CACNB4: variants seen among roughly 807,000 people sequenced by gnomAD.
The protein encoded by CACNB4 is calcium voltage-gated channel auxiliary subunit beta 4, also known as voltage-dependent L-type calcium channel subunit beta-4.
A neutral mutation model predicts 71.2 loss-of-function variants in CACNB4; 32 were observed. That is an observed-to-expected ratio of 0.45 (90% CI 0.34 to 0.60). The LOEUF (loss-of-function observed/expected upper bound fraction) is 0.60. Ranked by LOEUF, CACNB4 falls within the 20% of genes least tolerant of loss-of-function variation. CACNB4 has a pLI of 0.01. For missense variants in CACNB4, 464 were observed against 647.9 expected (o/e 0.72, Z 3.08); for synonymous variants, 231 against 236.9 (o/e 0.97, Z 0.23).
At chr2:151,984,864 T>A (rs184025266) in intron 2 of CACNB4, among the ~76,000 whole-genome samples, 3 of 152,220 alleles carry the variant, frequency 2.0e-5, no homozygotes, top group Non-Finnish European at 4.4e-5. Context: ...CCACTCATTA[T>A]ACTTTCCTCA....
rs1164859647 is a variant in CACNB4, at chr2:151,835,519, T to C, written c.*3600A>G. ...CATAGGGTAATTTCTACAATGGTAT[T>C]ACATTTTTTAAGCAAATACCAAAAT... On this transcript the variant is annotated 3_prime_UTR_variant, in exon 14 of 14. Transcript: ENST00000539935. 2 of 151,894 alleles carry C rather than the reference T, an allele frequency of 1.3e-5. No individual in the cohort carries two copies. Among genetic ancestry groups the C allele is most frequent in the Admixed American group, 6.6e-5 (1 of 15,246 alleles). 9.4% of individuals were successfully genotyped at this position (151,894 alleles called of 1,614,324 possible). A position where few individuals can be genotyped will look rare whatever the true frequency, so the allele number is the denominator to read the frequency against.
intron 2 of CACNB4, among the ~76,000 whole-genome samples, chr2:151,888,775 C>T (rs902779009): frequency 6.6e-6 from 1 of 152,074 alleles, no homozygotes; most frequent in Non-Finnish European, 1.5e-5. Context: ...GCCTCATCTG[C>T]AAAATGAGAA....
intron 2 of CACNB4, among the ~76,000 whole-genome samples, chr2:151,901,700 C>T (rs1578714229): frequency 6.6e-6 from 1 of 152,092 alleles, no homozygotes; most frequent in East Asian, 1.9e-4. Context: ...TTATTTATAA[C>T]CAAAGAACAT....
intron 2 of CACNB4, among the ~76,000 whole-genome samples, chr2:151,927,571 G>A (rs766748739): frequency 2.0e-4 from 31 of 152,198 alleles, no homozygotes; most frequent in Non-Finnish European, 3.4e-4. Flanking sequence ...GAACAAATTG[G>A]TTGTCTAGAA....
intron 2 of CACNB4, among the ~76,000 whole-genome samples, chr2:151,936,024 C>G (rs2099862833): frequency 6.6e-6 from 1 of 152,130 alleles, no homozygotes; most frequent in African/African-American, 2.4e-5. Flanking sequence ...CTTAAACCAG[C>G]CGTCAAAAAC....
chr2:151,908,398 T>C (rs1238148301), intron 2 of CACNB4, among the ~76,000 whole-genome samples: 3 of 152,212 alleles, frequency 2.0e-5, no homozygotes, highest in African/African-American at 7.2e-5. Flanking sequence ...GAGGATTTTA[T>C]TCCAGTTAGA....
intron 9 of CACNB4, chr2:151,865,790 T>TTTC (rs2099842947): frequency 6.6e-6 from 1 of 151,922 alleles, no homozygotes; most frequent in Non-Finnish European, 1.5e-5. Context: ...CTTTCTTTTT[T>TTTC]TTTTTTTTTA....
At chr2:152,009,672 T>C (rs1682949130) in intron 2 of CACNB4, among the ~76,000 whole-genome samples, 1 of 152,220 alleles carries the variant, frequency 6.6e-6, no homozygotes, top group Non-Finnish European at 1.5e-5. Context: ...GTAACCTTTG[T>C]GCCATTAATT....
At chr2:151,999,168 A>G (rs1682247384) in intron 2 of CACNB4, among the ~76,000 whole-genome samples, 1 of 151,852 alleles carries the variant, frequency 6.6e-6, no homozygotes. Flanking sequence ...CCTACTCATG[A>G]CCTCCACTAG....
At chr2:151,985,274 C>T (rs182376496) in intron 2 of CACNB4, among the ~76,000 whole-genome samples, 2 of 152,206 alleles carry the variant, frequency 1.3e-5, no homozygotes. Flanking sequence ...ATTCTCTTAG[C>T]AGTAACAACA....
At chr2:152,052,795 T>C (rs1379955533) in intron 2 of CACNB4, among the ~76,000 whole-genome samples, 3 of 151,806 alleles carry the variant, frequency 2.0e-5, no homozygotes, top group Admixed American at 6.6e-5. Context: ...CTGGCCAACA[T>C]AGTAAAACCC....
At chr2:151,971,765 C>A in intron 2 of CACNB4, 1 of 618,408 alleles carries the variant, frequency 1.6e-6, no homozygotes, top group Non-Finnish European at 2.9e-6. Context: ...CCGAACATCT[C>A]TCTCTTCCCC....
chr2:151,921,613 C>T (rs962943709), intron 2 of CACNB4, among the ~76,000 whole-genome samples: 1 of 152,152 alleles, frequency 6.6e-6, no homozygotes, highest in African/African-American at 2.4e-5. Flanking sequence ...TAAAGCCAGC[C>T]ACCTCCCTTG....
chr2:151,839,327 C>T lies in CACNB4; in HGVS notation c.1355G>A (p.Arg452Lys), dbSNP rs762394421. 2.4e-5 allele frequency: 38 copies of T among 1,613,246 alleles called. No individual in the cohort carries two copies. In the African/African-American group the frequency reaches 4.3e-4, roughly 18 times the overall value. Residue 452 changes from arginine (R) to lysine (K), a missense_variant, in exon 14 of 14, where the codon AGA becomes AAA. Arg to Lys is a conservative substitution (Grantham distance 26). Around this residue, in one of 3 missense-constraint regions of CACNB4, gnomAD observed 115 missense variants for 128.8 expected, o/e 0.89. Transcript: ENST00000539935. ...NHSTENSPIE[R>K]RSLMTSDENY... ...TTCATCAGAGGTCATTAGACTTCGT[C>T]TTTCAATTGGAGAGTTCTCTGTGGA... is the stretch of plus-strand genomic sequence containing the variant.
intron 2 of CACNB4, chr2:151,968,524 G>C (rs994669734): frequency 1.3e-5 from 2 of 152,134 alleles, no homozygotes; most frequent in Admixed American, 6.5e-5. Context: ...TTGTTCACCT[G>C]GGTAAGAGAC....
At chr2:152,042,168 A>C (rs2105249729) in intron 2 of CACNB4, among the ~76,000 whole-genome samples, 1 of 152,284 alleles carries the variant, frequency 6.6e-6, no homozygotes, top group African/African-American at 2.4e-5. Context: ...CTTCCAAACT[A>C]ATTGCTACTA....
At chr2:151,928,917 G>GAAA (rs58646253) in intron 2 of CACNB4, among the ~76,000 whole-genome samples, 1 of 136,718 alleles carries the variant, frequency 7.3e-6, no homozygotes, top group Non-Finnish European at 1.6e-5. Context: ...GTCTCAAAAA[G>GAAA]AAAAAAAAAA....
chr2:151,846,347 T>C (rs1219726139), intron 12 of CACNB4, among the ~76,000 whole-genome samples: 1 of 152,172 alleles, frequency 6.6e-6, no homozygotes, highest in African/African-American at 2.4e-5. Context: ...GGAGGGAAGA[T>C]ATATAAAGAC....
intron 2 of CACNB4, chr2:151,971,417 C>T (rs182967310): frequency 2.1e-4 from 141 of 682,792 alleles, no homozygotes; most frequent in Admixed American, 5.3e-4. Flanking sequence ...ACCGAAGTGC[C>T]GTACTCAGCT....
Sources: allele counts gnomAD v4.1 joint callset (sites outside exome capture counted in the v4.1 genomes callset), GRCh38; gene constraint gnomAD v4.1.1; regional missense constraint gnomAD v4.1.1; transcripts MANE v1.5; gene names NCBI Gene and HGNC (gene_info 2026-07-23, HGNC 2026-07-21).